Variants in RASL12 observed in about 807,000 individuals in gnomAD.
The protein encoded by RASL12 is RAS like family 12.
RASL12 carries 16 observed loss-of-function variants against 22.9 expected under a neutral mutation model. The observed-to-expected ratio is 0.70, with a 90% confidence interval of 0.47 to 1.06. RASL12 has a LOEUF of 1.06. RASL12 is among the 50% of genes least tolerant of loss of function. The pLI is 0.00. For synonymous variants in RASL12, 159 were observed against 152.2 expected (o/e 1.04, Z -0.33); for missense variants, 306 against 353.1 (o/e 0.87, Z 1.07).
Position 65,067,806 on chromosome 15 carries a change from C to T in RASL12, c.30G>A (p.Ala10=), listed in dbSNP as rs1408961924. The change falls in exon 1 of 5, where the codon GCG becomes GCA. Residue 10 remains alanine, a synonymous_variant. Coordinates refer to ENST00000220062, the MANE Select transcript of RASL12 (RefSeq NM_016563.4). MSSVFGKPR[A]GSGPQSAPLE... ...GGGGCGCGCTCTGAGGCCCGCTGCC[C>T]GCGCGGGGTTTTCCAAACACCGAGG... The T allele has an allele frequency of 1.3e-6, 2 of 1,575,638 alleles. No individual in the cohort carries two copies. The highest frequency in any genetic ancestry group is 1.7e-6 in the Non-Finnish European group (2 of 1,164,580).
intron 4 of RASL12, 55 bp from the exon 5 acceptor site, chr15:65,055,329 G>A: frequency 6.9e-7 from 1 of 1,450,804 alleles, no homozygotes; most frequent in Non-Finnish European, 9.1e-7. Context: ...GCCAAGTCAG[G>A]CAGACCAGCT....
upstream of RASL12, among the ~76,000 whole-genome samples, chr15:65,071,718 T>G (rs1322722844): frequency 6.6e-6 from 1 of 152,054 alleles, no homozygotes; most frequent in Non-Finnish European, 1.5e-5. Flanking sequence ...AATGGTTCCA[T>G]CTGGTTGTGT....
intron 1 of RASL12, among the ~76,000 whole-genome samples, chr15:65,074,542 G>A (rs924162628): frequency 6.6e-6 from 1 of 152,026 alleles, no homozygotes; most frequent in African/African-American, 2.4e-5. Context: ...TTACAGGCAC[G>A]TGCCACCACG....
the RASL12 span, among the ~76,000 whole-genome samples, chr15:65,047,456 C>G: frequency 6.6e-6 from 1 of 152,064 alleles, no homozygotes; most frequent in Non-Finnish European, 1.5e-5. Context: ...AGAAACCACA[C>G]AATACAGGAG....
At chr15:65,061,205 G>A (rs879413261) in intron 2 of RASL12, among the ~76,000 whole-genome samples, 2 of 152,224 alleles carry the variant, frequency 1.3e-5, no homozygotes, top group East Asian at 1.9e-4. Context: ...GTGAGGCCCA[G>A]AGAAGGGATC....
At chr15:65,056,208 C>T (rs868706124) in intron 4 of RASL12, among the ~76,000 whole-genome samples, 1 of 152,180 alleles carries the variant, frequency 6.6e-6, no homozygotes, top group Non-Finnish European at 1.5e-5. Flanking sequence ...GTCCCGCTGC[C>T]CATTCCCGAG....
At chr15:65,046,687 C>T in the RASL12 span, among the ~76,000 whole-genome samples, 1 of 152,050 alleles carries the variant, frequency 6.6e-6, no homozygotes, top group Non-Finnish European at 1.5e-5. Flanking sequence ...ACAAGGTGGG[C>T]AGGTCGCTTG....
rs1421520145 is a variant in RASL12, at chr15:65,055,124, CA to C, written c.575del (p.Leu192ArgfsTer38). The C allele has an allele frequency of 6.2e-7, 1 of 1,611,040 alleles. No homozygotes were observed. The highest frequency in any genetic ancestry group is 8.5e-7 in the Non-Finnish European group (1 of 1,179,044). On this transcript the variant is annotated frameshift_variant, in exon 5 of 5. Coordinates refer to ENST00000220062, the MANE Select transcript of RASL12 (RefSeq NM_016563.4). LOFTEE classifies it high-confidence loss of function. ...CCTCGGAGATGAAGAGGGGCCGGGT[CA>C]GGGGGCTCTTCTCCAGCTCCCGCCG... ...EARRELEKSP[L>X]TRPLFISEER...
rs560383146 is a variant in RASL12 at position 65,059,486 on chromosome 15, C to G, written c.161-68G>C. ...GTGTAAGTTTGAGCTTCCCTCTGTGCTAGACCCCTGTGTGGCCTGGGGGGA... is the reference window on the plus strand; with the variant it reads ...GTGTAAGTTTGAGCTTCCCTCTGTGGTAGACCCCTGTGTGGCCTGGGGGGA... On this transcript the variant is annotated intron_variant, in intron 2 of 4. Coordinates refer to ENST00000220062, the MANE Select transcript of RASL12 (RefSeq NM_016563.4). The G allele has an allele frequency of 2.9e-4, 371 of 1,279,038 alleles. 4 individuals carry two copies. The South Asian group carries it at 3.8e-3, about 13-fold the overall frequency. The allele number at this position is 1,279,038 out of a possible 1,614,324, so 79.2% of individuals were successfully genotyped here.
intron 2 of RASL12, among the ~76,000 whole-genome samples, chr15:65,062,516 C>T (rs373917278): frequency 7.9e-5 from 12 of 152,330 alleles, no homozygotes; most frequent in Non-Finnish European, 1.5e-4. Context: ...TCACTGAGCC[C>T]TCTCTTCCTC....
At chr15:65,053,191 A>G (rs925616576), downstream of RASL12, 1 of 1,611,760 alleles carries the variant, frequency 6.2e-7, no homozygotes, top group African/African-American at 1.3e-5. Context: ...CCCCATCCTA[A>G]GCCAGACACA....
chr15:65,066,066 TAGAGA>T (rs201558510), intron 1 of RASL12, among the ~76,000 whole-genome samples: 1,152 of 111,542 alleles, frequency 0.01, 17 homozygotes, highest in African/African-American at 0.035. Context: ...AAGAGAAGAG[TAGAGA>T]AGAGAGAGAA....
At chr15:65,045,974 C>T in the RASL12 span, among the ~76,000 whole-genome samples, 1 of 151,036 alleles carries the variant, frequency 6.6e-6, no homozygotes. Context: ...GAGACCACCC[C>T]GGCTAACGTG....
At chr15:65,075,972 T>C (rs1256867581) in intron 1 of RASL12, among the ~76,000 whole-genome samples, 3 of 152,230 alleles carry the variant, frequency 2.0e-5, no homozygotes, top group Non-Finnish European at 4.4e-5. Context: ...ATCTAGCTGC[T>C]CTGGTGGGGC....
intron 1 of RASL12, among the ~76,000 whole-genome samples, chr15:65,073,368 G>A (rs2086944479): frequency 6.6e-6 from 1 of 152,184 alleles, no homozygotes; most frequent in Non-Finnish European, 1.5e-5. Flanking sequence ...AGTCCCATCT[G>A]GAGGTGATGG....
chr15:65,050,836 C>CTTTTTTTTTTTTTTT (rs57404080), downstream of RASL12, among the ~76,000 whole-genome samples: 1 of 95,650 alleles, frequency 1.0e-5, no homozygotes, highest in Non-Finnish European at 1.9e-5. Context: ...TCTTCTTCTT[C>CTTTTTTTTTTTTTTT]TTTTTTTTTT....
upstream of RASL12, among the ~76,000 whole-genome samples, chr15:65,069,286 T>C (rs2086914956): frequency 6.6e-6 from 1 of 152,222 alleles, no homozygotes; most frequent in East Asian, 1.9e-4. Flanking sequence ...GGGTGGAATT[T>C]GTTTAGATTA....
intron 4 of RASL12, among the ~76,000 whole-genome samples, chr15:65,056,814 G>T (rs1323613600): frequency 2.6e-5 from 4 of 152,184 alleles, no homozygotes; most frequent in African/African-American, 9.6e-5. Flanking sequence ...CTTGATCGAA[G>T]AATGAAATAG....
At position 65,055,286 on chromosome 15, in the gene RASL12, G is replaced by A. The variant is rs1422350307; in HGVS notation, c.426-12C>T. 1.3e-6 allele frequency: 2 copies of A among 1,532,450 alleles called. No individual in the cohort carries two copies. The highest frequency in any genetic ancestry group is 1.4e-5 in the African/African-American group (1 of 73,670). The allele number at this position is 1,532,450 out of a possible 1,614,324, so 94.9% of individuals were successfully genotyped here. On this transcript the variant is annotated splice_polypyrimidine_tract_variant and intron_variant, in intron 4 of 4. Coordinates refer to ENST00000220062, the MANE Select transcript of RASL12 (RefSeq NM_016563.4). ...CCTTGGTGACTTGCCTGGTGAGGAAGCAGTGTGAGGCAGGGAGTTAGGAGC... is the reference window on the plus strand; with the variant it reads ...CCTTGGTGACTTGCCTGGTGAGGAAACAGTGTGAGGCAGGGAGTTAGGAGC...
Sources: allele counts gnomAD v4.1 joint callset (sites outside exome capture counted in the v4.1 genomes callset), GRCh38; gene constraint gnomAD v4.1.1; transcripts MANE v1.5; gene names NCBI Gene and HGNC (gene_info 2026-07-23, HGNC 2026-07-21).